The following RYR3 variants were observed in gnomAD, a reference collection of about 807,000 sequenced individuals.
RYR3 encodes the protein brain ryanodine receptor-calcium release channel.
In RYR3, 207 loss-of-function variants were observed where a neutral mutation model predicts 584.3. The ratio of observed to expected loss-of-function variants is 0.35; its 90% confidence interval spans 0.32 to 0.40. RYR3 has a LOEUF of 0.40. Ranked by LOEUF, RYR3 falls within the 10% of genes least tolerant of loss-of-function variation. The pLI is 1.00. For missense variants in RYR3, 5,616 were observed against 6,089.2 expected, an observed-to-expected ratio of 0.92 and a Z score of 2.59; for synonymous variants, 2,416 against 2,248.5, an observed-to-expected ratio of 1.07 and a Z score of -2.11.
At chr15:33,774,240 T>G (rs1242736679) in intron 64 of RYR3, among the ~76,000 whole-genome samples, 1 of 152,188 alleles carries the variant, frequency 6.6e-6, no homozygotes, top group African/African-American at 2.4e-5. Flanking sequence ...TTGTGTTCTG[T>G]TGTTGTTCTG....
At chr15:33,620,388 G>C (rs535750126) in intron 19 of RYR3, among the ~76,000 whole-genome samples, 1 of 152,034 alleles carries the variant, frequency 6.6e-6, no homozygotes, top group African/African-American at 2.4e-5. Context: ...TCCTTTATCC[G>C]TCTAGAGGTG....
chr15:33,750,929 T>C (rs1329554804), intron 57 of RYR3, among the ~76,000 whole-genome samples: 2 of 152,212 alleles, frequency 1.3e-5, no homozygotes, highest in African/African-American at 4.8e-5. Flanking sequence ...TGTCCATGTG[T>C]TCTCATTGTT....
At chr15:33,725,976 C>CCCCCAAA (rs1555427643) in intron 45 of RYR3, among the ~76,000 whole-genome samples, 2 of 31,514 alleles carry the variant, frequency 6.3e-5, no homozygotes, top group East Asian at 9.0e-4. Flanking sequence ...TCCCCCCCCC[C>CCCCCAAA]AAAAAAAAAA....
chr15:33,833,885 A>G (rs1295823036), intron 86 of RYR3, among the ~76,000 whole-genome samples: 1 of 152,232 alleles, frequency 6.6e-6, no homozygotes, highest in East Asian at 1.9e-4. Flanking sequence ...TGTTCCTTTT[A>G]GAACTTTCTT....
intron 1 of RYR3, among the ~76,000 whole-genome samples, chr15:33,382,328 T>TTTTTTTTTC (rs1166720877): frequency 1.4e-5 from 2 of 141,746 alleles, no homozygotes; most frequent in African/African-American, 5.6e-5. Context: ...GCTTTTTTTT[T>TTTTTTTTTC]TTTTTTTTTT....
chr15:33,572,772 C>T (rs1427676659), intron 12 of RYR3, among the ~76,000 whole-genome samples: 2 of 151,600 alleles, frequency 1.3e-5, no homozygotes, highest in Admixed American at 6.6e-5. Context: ...GTCGGGGGTT[C>T]GAGACCAGCC....
At chr15:33,377,556 C>T (rs76692571) in intron 1 of RYR3, among the ~76,000 whole-genome samples, 4,542 of 152,222 alleles carry the variant, frequency 0.03, 87 homozygotes, top group Middle Eastern at 0.044. Flanking sequence ...AGTTAGAGTC[C>T]GATAACTTTC....
intron 22 of RYR3, 90 bp from the exon 23 acceptor site, chr15:33,631,120 T>C (rs1273669043): frequency 3.8e-6 from 3 of 788,452 alleles, no homozygotes; most frequent in African/African-American, 1.8e-5. Flanking sequence ...TGAATGGCTC[T>C]TGTCTGTTTT....
At chr15:33,356,866 A>G (rs2596183) in intron 1 of RYR3, among the ~76,000 whole-genome samples, 134,012 of 152,196 alleles carry the variant, frequency 0.88, 59,234 homozygotes, top group East Asian at 0.97. Context: ...GGTAGTAATA[A>G]TTATAATATG....
chr15:33,393,718 G>A (rs867859675), intron 1 of RYR3, among the ~76,000 whole-genome samples: 9 of 152,276 alleles, frequency 5.9e-5, no homozygotes, highest in South Asian at 2.1e-4. Flanking sequence ...TCTCAGAGCC[G>A]CTATTGGATG....
Position 33,603,283 on chromosome 15 carries a change from G to A in RYR3, c.2083G>A (p.Gly695Arg), listed in dbSNP as rs776048938. The A allele has an allele frequency of 1.1e-5, 17 of 1,613,740 alleles. No homozygotes were observed. The Admixed American group carries it at 2.8e-4, about 27-fold the overall frequency. Residue 695 changes from glycine to arginine, a missense_variant, in exon 18 of 104, where the codon GGA (glycine) becomes AGA (arginine). This residue lies in a region of RYR3 where 1,284 missense variants were observed against 1,344.6 expected (regional missense o/e 0.95). Transcript: ENST00000634891. ...TTCTTCAGGCTATGCCCCATACCCA[G>A]GAGGTGGAGAAGGATGGGGAGGCAA... is the stretch of plus-strand genomic sequence containing the variant. ...ASSSGYAPYP[G>R]GGEGWGGNGV...
intron 16 of RYR3, among the ~76,000 whole-genome samples, chr15:33,589,714 AG>A (rs1227831436): frequency 6.6e-6 from 1 of 152,218 alleles, no homozygotes. Context: ...TTTGTTGAAA[AG>A]GGTGTCCTTT....
At chr15:33,323,018 T>C (rs1969186393) in intron 1 of RYR3, among the ~76,000 whole-genome samples, 1 of 151,552 alleles carries the variant, frequency 6.6e-6, no homozygotes, top group African/African-American at 2.4e-5. Flanking sequence ...GAATTTGTCA[T>C]TTATGTTTGT....
chr15:33,368,907 A>G (rs894905960), intron 1 of RYR3, among the ~76,000 whole-genome samples: 11 of 152,160 alleles, frequency 7.2e-5, no homozygotes, highest in Non-Finnish European at 1.5e-4. Context: ...ACCTGCTTCA[A>G]TCCACCTCAA....
At chr15:33,683,087 C>T (rs1177130112) in intron 38 of RYR3, among the ~76,000 whole-genome samples, 4 of 151,940 alleles carry the variant, frequency 2.6e-5, no homozygotes, top group Non-Finnish European at 4.4e-5. Flanking sequence ...CTCCGCCTCC[C>T]GGGTTCATGC....
rs951370719 is a variant in RYR3, at chr15:33,463,729, T to C, written c.52-9690T>C. On this transcript the variant is annotated intron_variant, in intron 1 of 103. Coordinates refer to ENST00000634891, the MANE Select transcript of RYR3 (RefSeq NM_001036.6). ...TCTCCCTTGCAAGTTTTATAAGAGATCAAGCCATGGGAGGCTGAGTAGCTT... is the reference window on the plus strand; with the variant it reads ...TCTCCCTTGCAAGTTTTATAAGAGACCAAGCCATGGGAGGCTGAGTAGCTT... 3.3e-5 allele frequency among the ~76,000 whole-genome samples: 5 copies of C among 152,122 alleles called. 1 individual carries two copies. The highest frequency in any genetic ancestry group is 3.3e-4 in the Admixed American group (5 of 15,272).
intron 1 of RYR3, among the ~76,000 whole-genome samples, chr15:33,414,675 G>A (rs951426128): frequency 6.6e-6 from 1 of 152,160 alleles, no homozygotes; most frequent in African/African-American, 2.4e-5. Context: ...CGTGATCTCA[G>A]CTCACTGCAA....
chr15:33,471,499 G>A (rs867198794), intron 1 of RYR3, among the ~76,000 whole-genome samples: 2 of 151,700 alleles, frequency 1.3e-5, no homozygotes, highest in Admixed American at 1.3e-4. Context: ...TGGTTTGGGC[G>A]CCTGGGGGAT....
At chr15:33,467,455 C>A (rs767962898) in intron 1 of RYR3, 15 of 984,350 alleles carry the variant, frequency 1.5e-5, no homozygotes, top group Non-Finnish European at 1.8e-5. Context: ...AGAGATGGCT[C>A]TCTATTGTTC....
Sources: allele counts gnomAD v4.1 joint callset (sites outside exome capture counted in the v4.1 genomes callset), GRCh38; gene constraint gnomAD v4.1.1; regional missense constraint gnomAD v4.1.1; transcripts MANE v1.5; gene names NCBI Gene and HGNC (gene_info 2026-07-23, HGNC 2026-07-21).